STON2: variants seen among roughly 807,000 people sequenced by gnomAD.
STON2 encodes stonin 2.
STON2 carries 29 observed loss-of-function variants against 65.7 expected under a neutral mutation model. The observed-to-expected ratio is 0.44, with a 90% CI of 0.33 to 0.60. The LOEUF is 0.60. STON2 is among the 20% of genes least tolerant of loss of function. STON2 has a pLI of 0.03. For synonymous variants in STON2, 404 were observed against 414.2 expected (o/e 0.98, Z 0.30); for missense variants, 1,054 against 1,118.1 (o/e 0.94, Z 0.82).
chr14:81,373,417 G>A (rs530846021), intron 3 of STON2, among the ~76,000 whole-genome samples: 1 of 152,110 alleles, frequency 6.6e-6, no homozygotes, highest in African/African-American at 2.4e-5. Context: ...ATAAAAGCTT[G>A]CTATATGATG....
At chr14:81,342,065 GC>G (rs927674688) in intron 4 of STON2, among the ~76,000 whole-genome samples, 1 of 152,040 alleles carries the variant, frequency 6.6e-6, no homozygotes, top group Admixed American at 6.6e-5. Flanking sequence ...TATAAACCAC[GC>G]TAGACTGTTA....
At chr14:81,321,788 G>A (rs1171462946) in intron 5 of STON2, among the ~76,000 whole-genome samples, 1 of 152,130 alleles carries the variant, frequency 6.6e-6, no homozygotes, top group Non-Finnish European at 1.5e-5. Flanking sequence ...AATGTGTTCA[G>A]AGTTCTGAGC....
intron 3 of STON2, among the ~76,000 whole-genome samples, chr14:81,385,068 G>A (rs1899728470): frequency 6.6e-6 from 1 of 152,164 alleles, no homozygotes; most frequent in Non-Finnish European, 1.5e-5. Flanking sequence ...AGCAGGGACT[G>A]TGTCCAGCTC....
At chr14:81,284,501 A>T (rs1014422538) in intron 5 of STON2, among the ~76,000 whole-genome samples, 8 of 152,236 alleles carry the variant, frequency 5.3e-5, no homozygotes, top group Admixed American at 6.5e-5. Context: ...AATTGCAGAA[A>T]AAATAAATAA....
chr14:81,313,340 A>G (rs1896498483), intron 5 of STON2, among the ~76,000 whole-genome samples: 1 of 152,220 alleles, frequency 6.6e-6, no homozygotes, highest in African/African-American at 2.4e-5. Context: ...CAATATAATC[A>G]TCTTTAGACT....
chr14:81,287,139 G>C (rs1895363128), intron 5 of STON2, among the ~76,000 whole-genome samples: 1 of 152,152 alleles, frequency 6.6e-6, no homozygotes, highest in Admixed American at 6.5e-5. Flanking sequence ...GAGAAGGGAG[G>C]AGTTAGTCAT....
chr14:81,303,856 T>C (rs1008897012), intron 5 of STON2, among the ~76,000 whole-genome samples: 1 of 152,196 alleles, frequency 6.6e-6, no homozygotes, highest in Non-Finnish European at 1.5e-5. Context: ...AGAACGCATA[T>C]ACAGAAAAGT....
At chr14:81,421,831 T>C (rs375908268) in intron 2 of STON2, among the ~76,000 whole-genome samples, 1 of 152,134 alleles carries the variant, frequency 6.6e-6, no homozygotes, top group East Asian at 1.9e-4. Context: ...ACCTGTTAAA[T>C]AGGCAGATTT....
At position 81,398,390 on chromosome 14, in the gene STON2, A is replaced by G; in HGVS notation, c.-8T>C. On this transcript the variant is annotated 5_prime_UTR_variant, in exon 2 of 8. Coordinates refer to ENST00000614646, the MANE Select transcript of STON2 (RefSeq NM_001394390.1). ...ATGGTCCAAAGTCGTCATGCTAAAA[A>G]GGCACTGGTCATCTTCACACTGCTG... 2 of 1,612,716 alleles carry G rather than the reference A, an allele frequency of 1.2e-6. No homozygotes were observed. Among genetic ancestry groups the G allele is most frequent in the Non-Finnish European group, 1.7e-6 (2 of 1,178,772 alleles).
chr14:81,433,601 G>A (rs1189818853), intron 1 of STON2, among the ~76,000 whole-genome samples: 1 of 152,228 alleles, frequency 6.6e-6, no homozygotes, highest in South Asian at 2.1e-4. Flanking sequence ...TTTGCCATGT[G>A]AGTTACCTTG....
At chr14:81,408,245 T>C (rs1900973115) in intron 2 of STON2, among the ~76,000 whole-genome samples, 1 of 152,184 alleles carries the variant, frequency 6.6e-6, no homozygotes, top group Non-Finnish European at 1.5e-5. Flanking sequence ...TTTGCTCTTA[T>C]TATTTCGACG....
At chr14:81,269,234 G>C (rs1185145230) in intron 7 of STON2, 2 of 783,124 alleles carry the variant, frequency 2.6e-6, no homozygotes, top group African/African-American at 3.8e-5. Context: ...TTGAATTCCT[G>C]ACCTCAAATG....
chr14:81,353,020 TATTTTGGTCA>T, intron 4 of STON2, among the ~76,000 whole-genome samples: 1 of 152,324 alleles, frequency 6.6e-6, no homozygotes, highest in African/African-American at 2.4e-5. Context: ...AAAATATGGC[TATTTTGGTCA>T]AAGAATGTAT....
chr14:81,369,960 G>A (rs1420306200), intron 4 of STON2, among the ~76,000 whole-genome samples: 1 of 152,170 alleles, frequency 6.6e-6, no homozygotes, highest in Non-Finnish European at 1.5e-5. Context: ...CAGAACTGAA[G>A]GAGTGTCTGT....
intron 4 of STON2, among the ~76,000 whole-genome samples, chr14:81,352,269 G>T (rs990036787): frequency 3.3e-5 from 5 of 152,140 alleles, no homozygotes; most frequent in African/African-American, 9.7e-5. Flanking sequence ...GATATCTTAA[G>T]ATATCTGTCA....
At chr14:81,373,638 A>G (rs1363042521) in intron 3 of STON2, among the ~76,000 whole-genome samples, 4 of 152,124 alleles carry the variant, frequency 2.6e-5, no homozygotes, top group African/African-American at 9.7e-5. Flanking sequence ...AACAAACCAG[A>G]CTCTTGAGTT....
chr14:81,384,635 C>T (rs1196977597), intron 3 of STON2, among the ~76,000 whole-genome samples: 1 of 152,200 alleles, frequency 6.6e-6, no homozygotes, highest in Non-Finnish European at 1.5e-5. Context: ...GAGTATTTGG[C>T]TGTATCCACA....
intron 3 of STON2, among the ~76,000 whole-genome samples, chr14:81,394,284 A>G (rs1372034012): frequency 6.6e-6 from 1 of 152,258 alleles, no homozygotes; most frequent in Non-Finnish European, 1.5e-5. Context: ...TTGTTACAGA[A>G]TTGTTTTATA....
At chr14:81,364,665 A>G (rs1898641057) in intron 4 of STON2, among the ~76,000 whole-genome samples, 1 of 152,146 alleles carries the variant, frequency 6.6e-6, no homozygotes, top group Admixed American at 6.5e-5. Flanking sequence ...ACATACATAT[A>G]ATTTCGGGAA....
Sources: gnomAD v4.1 joint callset for allele counts (sites outside exome capture counted in the v4.1 genomes callset) on GRCh38, gnomAD v4.1.1 for gene constraint, MANE v1.5 for transcripts, NCBI Gene and HGNC (gene_info 2026-07-23, HGNC 2026-07-21) for gene names.